The following FSTL4 variants were observed in gnomAD, a reference collection of about 807,000 sequenced individuals.
FSTL4 encodes the protein follistatin like 4, also known as follistatin-related protein 4.
FSTL4 carries 28 observed loss-of-function variants against 78.2 expected under a neutral mutation model. The observed-to-expected ratio is 0.36, with a 90% CI of 0.27 to 0.49. The LOEUF is 0.49. Ranked by LOEUF, FSTL4 falls within the 20% of genes least tolerant of loss-of-function variation. FSTL4 has a pLI of 0.98. For synonymous variants in FSTL4, 422 were observed against 440.5 expected (o/e 0.96, Z 0.53); for missense variants, 922 against 1,084.9 (o/e 0.85, Z 2.11).
At chr5:133,688,934 A>G in the FSTL4 span, among the ~76,000 whole-genome samples, 4,075 of 152,200 alleles carry the variant, frequency 0.027, 187 homozygotes, top group African/African-American at 0.094. Flanking sequence ...TCCTCACACG[A>G]CTTGGTCCTT....
chr5:133,274,280 G>C (rs1445178479), intron 6 of FSTL4, among the ~76,000 whole-genome samples: 1 of 151,286 alleles, frequency 6.6e-6, no homozygotes, highest in Non-Finnish European at 1.5e-5. Flanking sequence ...GAGAAGTGAG[G>C]GACAAATAGA....
intron 7 of FSTL4, among the ~76,000 whole-genome samples, chr5:133,245,282 A>G (rs1752005859): frequency 6.6e-6 from 1 of 152,108 alleles, no homozygotes; most frequent in African/African-American, 2.4e-5. Flanking sequence ...GAAAACATCA[A>G]CAAGGCTCCC....
the FSTL4 span, among the ~76,000 whole-genome samples, chr5:133,799,006 G>A: frequency 2.3e-5 from 2 of 86,326 alleles, 1 homozygote; most frequent in Non-Finnish European, 5.5e-5. Flanking sequence ...GGGAGAGAGA[G>A]GGGAAGGGAA....
At chr5:133,401,269 G>A (rs746336298) in intron 3 of FSTL4, among the ~76,000 whole-genome samples, 25 of 152,194 alleles carry the variant, frequency 1.6e-4, no homozygotes, top group Non-Finnish European at 2.5e-4. Context: ...CCAGCTGGGG[G>A]CTTTTGATCA....
chr5:133,226,355 C>CCTCAGCTTGGAGTGA (rs1234569553), intron 8 of FSTL4, among the ~76,000 whole-genome samples: 2 of 152,144 alleles, frequency 1.3e-5, no homozygotes, highest in African/African-American at 2.4e-5. Flanking sequence ...GGTGTGCCCT[C>CCTCAGCTTGGAGTGA]CTCAGCTTGG....
At chr5:133,565,951 G>A (rs1036832457) in intron 3 of FSTL4, among the ~76,000 whole-genome samples, 1 of 152,184 alleles carries the variant, frequency 6.6e-6, no homozygotes, top group African/African-American at 2.4e-5. Context: ...CATGGTCACA[G>A]TACCCATTGT....
At chr5:133,739,481 C>G in the FSTL4 span, among the ~76,000 whole-genome samples, 41 of 152,128 alleles carry the variant, frequency 2.7e-4, no homozygotes, top group African/African-American at 9.9e-4. Context: ...CTCACCCAAT[C>G]AGAGGGAGAG....
At chr5:133,765,514 C>G in the FSTL4 span, among the ~76,000 whole-genome samples, 1 of 152,196 alleles carries the variant, frequency 6.6e-6, no homozygotes, top group Non-Finnish European at 1.5e-5. Context: ...GACTACTGAC[C>G]AGCTGTGACC....
the FSTL4 span, among the ~76,000 whole-genome samples, chr5:133,804,407 G>A: frequency 0.031 from 4,725 of 152,156 alleles, 244 homozygotes; most frequent in African/African-American, 0.11. Context: ...CTGAAAACCC[G>A]GCAAACCCTT....
At chr5:133,276,901 T>C (rs1752895136) in intron 6 of FSTL4, among the ~76,000 whole-genome samples, 1 of 152,116 alleles carries the variant, frequency 6.6e-6, no homozygotes, top group Non-Finnish European at 1.5e-5. Context: ...GAAGTGACAA[T>C]AGGCAAATCT....
chr5:133,505,673 G>C (rs1758598921), intron 3 of FSTL4, among the ~76,000 whole-genome samples: 1 of 152,204 alleles, frequency 6.6e-6, no homozygotes, highest in Non-Finnish European at 1.5e-5. Context: ...TTCTTTAAAA[G>C]AAGGGATGCA....
chr5:133,216,094 C>A (rs1321912190), intron 13 of FSTL4, among the ~76,000 whole-genome samples: 2 of 152,168 alleles, frequency 1.3e-5, no homozygotes, highest in African/African-American at 4.8e-5. Flanking sequence ...AATGGTATCA[C>A]CCTTCTATAG....
intron 3 of FSTL4, among the ~76,000 whole-genome samples, chr5:133,558,822 A>C (rs1489397526): frequency 6.6e-6 from 1 of 152,048 alleles, no homozygotes; most frequent in Non-Finnish European, 1.5e-5. Context: ...CAACTTGTAC[A>C]CCTTGGAAGC....
At chr5:133,210,133 G>A in intron 14 of FSTL4, 58 bp downstream of exon 14, 1 of 874,334 alleles carries the variant, frequency 1.1e-6, no homozygotes. Flanking sequence ...TTATTTTATA[G>A]GGAGAGAGTT....
chr5:133,233,382 A>T, intron 8 of FSTL4, 35 bp downstream of exon 8: 1 of 1,612,784 alleles, frequency 6.2e-7, no homozygotes, highest in Non-Finnish European at 8.5e-7. Context: ...TGGGGAGGCT[A>T]TGAGGGGACA....
At chr5:133,552,586 G>A (rs1443882311) in intron 3 of FSTL4, among the ~76,000 whole-genome samples, 1 of 152,116 alleles carries the variant, frequency 6.6e-6, no homozygotes, top group Non-Finnish European at 1.5e-5. Flanking sequence ...ATATTTTTAT[G>A]TTTACAAAAA....
chr5:133,422,537 G>C (rs146641005), intron 3 of FSTL4, among the ~76,000 whole-genome samples: 7 of 151,312 alleles, frequency 4.6e-5, no homozygotes, highest in Admixed American at 4.6e-4. Context: ...GGGGGAAAAC[G>C]TGTCAAGACC....
At chr5:133,402,794 TG>T in intron 3 of FSTL4, among the ~76,000 whole-genome samples, 1 of 152,214 alleles carries the variant, frequency 6.6e-6, no homozygotes, top group East Asian at 1.9e-4. Context: ...CAAATATCTC[TG>T]AGCAGTATAA....
the FSTL4 span, among the ~76,000 whole-genome samples, chr5:133,670,298 C>T: frequency 6.6e-6 from 1 of 152,192 alleles, no homozygotes; most frequent in African/African-American, 2.4e-5. Context: ...TGCAAAAGGA[C>T]CTCTGGATCC....
Sources: allele counts gnomAD v4.1 joint callset (sites outside exome capture counted in the v4.1 genomes callset), GRCh38; gene constraint gnomAD v4.1.1; transcripts MANE v1.5; gene names NCBI Gene and HGNC (gene_info 2026-07-23, HGNC 2026-07-21).